FMNL2: variants seen among roughly 807,000 people sequenced by gnomAD.
FMNL2 encodes the protein formin-like protein 2.
A neutral mutation model predicts 130.2 loss-of-function variants in FMNL2; 51 were observed. The observed-to-expected ratio is 0.39, with a 90% CI of 0.31 to 0.49. The LOEUF (loss-of-function observed/expected upper bound fraction) is 0.49, where lower values mean the gene tolerates loss of function less well. FMNL2 is among the 20% of genes least tolerant of loss of function. The pLI, the probability that FMNL2 is intolerant of heterozygous loss-of-function variation, is 0.85. For synonymous variants in FMNL2, 465 were observed against 467.1 expected (o/e 1.00, Z 0.06); for missense variants, 977 against 1,316.2 (o/e 0.74, Z 3.99).
intron 1 of FMNL2, among the ~76,000 whole-genome samples, chr2:152,493,260 A>C (rs1691314774): frequency 6.6e-6 from 1 of 152,198 alleles, no homozygotes; most frequent in African/African-American, 2.4e-5. Flanking sequence ...ACTTCTCCTC[A>C]TTTTAGATTC....
intron 4 of FMNL2, among the ~76,000 whole-genome samples, chr2:152,557,397 C>G (rs982690101): frequency 7.9e-5 from 12 of 152,174 alleles, no homozygotes; most frequent in Admixed American, 4.6e-4. Context: ...ATGCCAAGTG[C>G]ATAGGTTTTG....
At chr2:152,503,683 A>G (rs1235687080) in intron 1 of FMNL2, among the ~76,000 whole-genome samples, 1 of 152,192 alleles carries the variant, frequency 6.6e-6, no homozygotes, top group African/African-American at 2.4e-5. Context: ...AAGATCAAGA[A>G]CATTATTTAC....
intron 1 of FMNL2, among the ~76,000 whole-genome samples, chr2:152,426,208 G>A (rs981570921): frequency 1.1e-4 from 17 of 152,276 alleles, no homozygotes; most frequent in African/African-American, 4.1e-4. Flanking sequence ...GTGTGTCATT[G>A]GCTATTTATT....
At chr2:152,543,424 C>T (rs1694428947) in intron 3 of FMNL2, among the ~76,000 whole-genome samples, 1 of 152,122 alleles carries the variant, frequency 6.6e-6, no homozygotes, top group Non-Finnish European at 1.5e-5. Context: ...CTGGCACGGC[C>T]CTGTGGGCCT....
intron 2 of FMNL2, 104 bp from the exon 3 acceptor site, chr2:152,542,635 T>C: frequency 3.7e-6 from 4 of 1,091,970 alleles, no homozygotes; most frequent in Non-Finnish European, 5.6e-6. Flanking sequence ...GCCACATTTA[T>C]ACTGTGGATG....
At chr2:152,462,909 G>A (rs374479173) in intron 1 of FMNL2, among the ~76,000 whole-genome samples, 14 of 152,260 alleles carry the variant, frequency 9.2e-5, no homozygotes, top group African/African-American at 3.1e-4. Context: ...GAGCCCTTGT[G>A]CTTGGATTTA....
Position 152,424,020 on chromosome 2 carries a change from G to T in FMNL2, c.117+88300G>T, listed in dbSNP as rs144193236. 8.5e-4 allele frequency among the ~76,000 whole-genome samples: 130 copies of T among 152,276 alleles called. 1 individual carries two copies. Among genetic ancestry groups the T allele is most frequent in the African/African-American group, 3.0e-3 (124 of 41,570 alleles). ...GGAAGGCCTTTTGATCTCCTAGTGTGCTAGGATTCTGGGGAGGGAAGCTCA... is the reference window on the plus strand; with the variant it reads ...GGAAGGCCTTTTGATCTCCTAGTGTTCTAGGATTCTGGGGAGGGAAGCTCA... On this transcript the variant is annotated intron_variant, in intron 1 of 25. Transcript: ENST00000288670.
At chr2:152,636,643 C>T in intron 22 of FMNL2, 53 bp downstream of exon 22, 2 of 1,528,090 alleles carry the variant, frequency 1.3e-6, no homozygotes, top group Admixed American at 2.0e-5. Flanking sequence ...ATTAAAGCTG[C>T]CTGTGGTGCA....
chr2:152,461,313 T>C (rs1247344359), intron 1 of FMNL2, among the ~76,000 whole-genome samples: 1 of 152,104 alleles, frequency 6.6e-6, no homozygotes, highest in African/African-American at 2.4e-5. Flanking sequence ...TAAAATATCA[T>C]TCCAACATGT....
chr2:152,644,769 G>C (rs1683396303), intron 25 of FMNL2, among the ~76,000 whole-genome samples: 1 of 152,174 alleles, frequency 6.6e-6, no homozygotes, highest in Non-Finnish European at 1.5e-5. Context: ...CTTTGGTCAG[G>C]ATGATGGCAC....
intron 4 of FMNL2, among the ~76,000 whole-genome samples, chr2:152,554,990 TA>T (rs1695127859): frequency 6.6e-6 from 1 of 152,216 alleles, no homozygotes. Context: ...TAAGCTTTAA[TA>T]AAATCAATAT....
chr2:152,349,722 A>T (rs73970604), intron 1 of FMNL2, among the ~76,000 whole-genome samples: 1 of 151,018 alleles, frequency 6.6e-6, no homozygotes, highest in African/African-American at 2.4e-5. Flanking sequence ...AGATATGCTA[A>T]GGGTTTGGAG....
intron 9 of FMNL2, among the ~76,000 whole-genome samples, chr2:152,586,296 T>C (rs927471385): frequency 6.6e-6 from 1 of 152,246 alleles, no homozygotes; most frequent in African/African-American, 2.4e-5. Context: ...TTGTTCTTTT[T>C]TCTGCCTGTT....
chr2:152,497,334 TTAGAA>T lies in FMNL2; in HGVS notation c.118-24604_118-24600del, dbSNP rs375420000. ...TGTGCATTTTTTTTTGTTTTTAGTGTTAGAATAGAGTACTGTTTTCTAAAGTTATT... is the reference window on the plus strand; with the variant it reads ...TGTGCATTTTTTTTTGTTTTTAGTGTTAGAGTACTGTTTTCTAAAGTTATT... On this transcript the variant is annotated intron_variant, in intron 1 of 25. Transcript: ENST00000288670. 6.4e-3 allele frequency among the ~76,000 whole-genome samples: 974 copies of T among 152,304 alleles called. 12 individuals are homozygous for T. Among genetic ancestry groups the T allele is most frequent in the African/African-American group, 0.023 (943 of 41,572 alleles).
At position 152,640,795 on chromosome 2, in the gene FMNL2, C is replaced by G; in HGVS notation, c.3050C>G (p.Pro1017Arg). Residue 1017 changes from proline to arginine, a missense_variant, in exon 25 of 26, where the codon CCT (proline) becomes CGT (arginine). Pro to Arg is a moderately radical substitution (Grantham distance 103). This residue lies in a region of FMNL2 where 168 missense variants were observed against 168.8 expected (regional missense o/e 1.00). Transcript: ENST00000288670. ...ALMEQQDPKS[P>R]SHKSKRQQQE... is the part of the protein sequence containing the mutation. The stretch of plus-strand genomic sequence containing the variant: ...TCTGCCCTTCTTTCTTCTCAGTCTC[C>G]TTCTCATAAATCAAAGAGGCAGCAG... 1 of 1,612,862 alleles carries G rather than the reference C, an allele frequency of 6.2e-7. No homozygotes were observed. Among genetic ancestry groups the G allele is most frequent in the Non-Finnish European group, 8.5e-7 (1 of 1,179,370 alleles).
chr2:152,445,176 A>G (rs1688268766), intron 1 of FMNL2, among the ~76,000 whole-genome samples: 1 of 152,254 alleles, frequency 6.6e-6, no homozygotes, highest in Admixed American at 6.5e-5. Flanking sequence ...TTTACACTCC[A>G]GTCTGTGTTT....
At chr2:152,490,569 A>ATGTGTGTGTGTGTG (rs58838989) in intron 1 of FMNL2, among the ~76,000 whole-genome samples, 1,828 of 108,522 alleles carry the variant, frequency 0.017, 95 homozygotes, top group African/African-American at 0.023. Flanking sequence ...TTGCTATCCA[A>ATGTGTGTGTGTGTG]TGTGTGTGTG....
At chr2:152,356,738 G>T (rs1579464450) in intron 1 of FMNL2, among the ~76,000 whole-genome samples, 1 of 13,476 alleles carries the variant, frequency 7.4e-5, no homozygotes, top group African/African-American at 2.1e-4. Flanking sequence ...GCACTTTTGT[G>T]CTTTTTTTTT....
Position 152,560,953 on chromosome 2 carries a change from A to G in FMNL2, c.514A>G (p.Ile172Val). Residue 172 changes from isoleucine (I) to valine (V), a missense_variant, in exon 6 of 26, where the codon ATC becomes GTC. Coordinates refer to ENST00000288670, the MANE Select transcript of FMNL2 (RefSeq NM_052905.4). ...VDKSKPWSRS[I>V]EDLHRGSNLP... ...CAAATCAAAGCCCTGGAGTAGGTCCATCGAGGACCTGCACAGAGGGAGCAA... is the reference window on the plus strand; with the variant it reads ...CAAATCAAAGCCCTGGAGTAGGTCCGTCGAGGACCTGCACAGAGGGAGCAA... 2 of 1,610,506 alleles carry G rather than the reference A, an allele frequency of 1.2e-6. No homozygotes were observed. The highest frequency in any genetic ancestry group is 1.7e-6 in the Non-Finnish European group (2 of 1,178,348).
Sources: allele counts gnomAD v4.1 joint callset (sites outside exome capture counted in the v4.1 genomes callset), GRCh38; gene constraint gnomAD v4.1.1; regional missense constraint gnomAD v4.1.1; transcripts MANE v1.5; gene names NCBI Gene and HGNC (gene_info 2026-07-23, HGNC 2026-07-21).